FGF12: variants seen among roughly 807,000 people sequenced by gnomAD.
FGF12 encodes fibroblast growth factor 12B.
A neutral mutation model predicts 23.6 loss-of-function variants in FGF12; 14 were observed. The ratio of observed to expected loss-of-function variants is 0.59; its 90% confidence interval spans 0.39 to 0.93. The LOEUF (loss-of-function observed/expected upper bound fraction) is 0.93, where lower values mean the gene tolerates loss of function less well. FGF12 is among the 40% of genes least tolerant of loss of function. FGF12 has a pLI of 0.00. For missense variants in FGF12, 175 were observed against 217.8 expected (o/e 0.80, Z 1.24); for synonymous variants, 62 against 77.3 (o/e 0.80, Z 1.04).
At chr3:192,714,440 C>T (rs1407709168) in intron 2 of FGF12, among the ~76,000 whole-genome samples, 3 of 151,586 alleles carry the variant, frequency 2.0e-5, no homozygotes, top group Admixed American at 6.6e-5. Flanking sequence ...TTGCAAAATG[C>T]ACGTATATTA....
At chr3:192,423,642 G>A (rs1308897266) in intron 2 of FGF12, among the ~76,000 whole-genome samples, 1 of 152,148 alleles carries the variant, frequency 6.6e-6, no homozygotes, top group African/African-American at 2.4e-5. Flanking sequence ...TTATGAAATT[G>A]AAGACCAAGA....
intron 2 of FGF12, among the ~76,000 whole-genome samples, chr3:192,658,382 G>A (rs960253399): frequency 6.6e-6 from 1 of 152,166 alleles, no homozygotes; most frequent in Non-Finnish European, 1.5e-5. Context: ...TCAGCTGCTG[G>A]CTTGTGAGAA....
At chr3:192,470,834 T>A (rs1371511467) in intron 2 of FGF12, among the ~76,000 whole-genome samples, 1 of 152,160 alleles carries the variant, frequency 6.6e-6, no homozygotes, top group Non-Finnish European at 1.5e-5. Context: ...CCTTTCTCCA[T>A]CTTCTGGACA....
At chr3:192,639,318 T>C (rs1413973092) in intron 2 of FGF12, among the ~76,000 whole-genome samples, 1 of 152,226 alleles carries the variant, frequency 6.6e-6, no homozygotes, top group East Asian at 1.9e-4. Flanking sequence ...TTGACAAGGA[T>C]GTGAAGAAAA....
chr3:192,413,383 G>C (rs1721255599), intron 2 of FGF12, among the ~76,000 whole-genome samples: 1 of 152,088 alleles, frequency 6.6e-6, no homozygotes, highest in Non-Finnish European at 1.5e-5. Flanking sequence ...GCTGTATGCT[G>C]TTGGACACGT....
intron 5 of FGF12, among the ~76,000 whole-genome samples, chr3:192,158,662 T>TCCCCCTTCCTTCTTTCCTTCCTTCCC (rs1577186128): frequency 2.9e-4 from 9 of 31,112 alleles, no homozygotes; most frequent in Non-Finnish European, 5.4e-4. Context: ...CCTCCCTTCC[T>TCCCCCTTCCTTCTTTCCTTCCTTCCC]TCCCTCCCTC....
intron 2 of FGF12, among the ~76,000 whole-genome samples, chr3:192,701,628 G>A (rs901449489): frequency 2.0e-5 from 3 of 151,996 alleles, no homozygotes; most frequent in Non-Finnish European, 2.9e-5. Context: ...GTGGTATAGC[G>A]GCAAGAAAAC....
chr3:192,440,536 G>A (rs1402732463), intron 2 of FGF12, among the ~76,000 whole-genome samples: 1 of 152,200 alleles, frequency 6.6e-6, no homozygotes. Context: ...CAGACACACT[G>A]TGAGCAATAA....
chr3:192,318,697 C>A lies in FGF12; in HGVS notation c.228+16664G>T, dbSNP rs1039503574. 4.6e-5 allele frequency among the ~76,000 whole-genome samples: 7 copies of A among 151,976 alleles called. No individual in the cohort carries two copies. In the East Asian group the frequency reaches 1.4e-3, roughly 29 times the overall value. ...AAAAGAATAATAACAGAGAACTTCA[C>A]AAACCTAGAGAAAGATGTCAATATT... is the stretch of plus-strand genomic sequence containing the variant. On this transcript the variant is annotated intron_variant, in intron 4 of 5. Coordinates refer to ENST00000445105, the MANE Select transcript of FGF12 (RefSeq NM_004113.6).
chr3:192,564,127 G>A (rs965891978), intron 2 of FGF12, among the ~76,000 whole-genome samples: 3 of 151,966 alleles, frequency 2.0e-5, no homozygotes, highest in African/African-American at 7.2e-5. Context: ...GCAGTGGCGC[G>A]ATCTCAGCTC....
At chr3:192,610,530 T>G (rs1714514895) in intron 2 of FGF12, among the ~76,000 whole-genome samples, 1 of 152,036 alleles carries the variant, frequency 6.6e-6, no homozygotes, top group African/African-American at 2.4e-5. Context: ...CTCATCCGGA[T>G]TATTGCAATT....
At chr3:192,356,433 C>T (rs931856609) in intron 3 of FGF12, among the ~76,000 whole-genome samples, 4 of 152,188 alleles carry the variant, frequency 2.6e-5, no homozygotes, top group African/African-American at 9.7e-5. Context: ...TATGGTAACT[C>T]AGGAAACAAA....
rs1053719627 is a variant in FGF12, at chr3:192,356,581, C to T, written c.124+3847G>A. Among the ~76,000 whole-genome samples, 6 of 152,036 alleles carry T rather than the reference C, an allele frequency of 3.9e-5. No homozygotes were observed. The East Asian group carries it at 7.7e-4, about 19-fold the overall frequency. On this transcript the variant is annotated intron_variant, in intron 3 of 5. Transcript: ENST00000445105. ...TGCAGAGATTCTTATCTGTTCCTGC[C>T]GACAAATCCATTTGTGTTTTGTACT...
At chr3:192,371,241 T>A (rs1434790891) in intron 2 of FGF12, among the ~76,000 whole-genome samples, 1 of 152,216 alleles carries the variant, frequency 6.6e-6, no homozygotes, top group Non-Finnish European at 1.5e-5. Context: ...AAGCTCATGT[T>A]ACATATGAAG....
chr3:192,617,363 G>A (rs1714797660), intron 2 of FGF12, among the ~76,000 whole-genome samples: 1 of 152,056 alleles, frequency 6.6e-6, no homozygotes, highest in South Asian at 2.1e-4. Context: ...TTTATGAAAA[G>A]CTCCACGGAG....
intron 2 of FGF12, among the ~76,000 whole-genome samples, chr3:192,377,077 C>T (rs1719550824): frequency 6.6e-6 from 1 of 152,200 alleles, no homozygotes; most frequent in African/African-American, 2.4e-5. Context: ...AGGAAGTGGT[C>T]CCCGTTTGGG....
At chr3:192,159,759 G>A (rs758123050) in intron 5 of FGF12, among the ~76,000 whole-genome samples, 1 of 152,138 alleles carries the variant, frequency 6.6e-6, no homozygotes, top group Non-Finnish European at 1.5e-5. Flanking sequence ...CACTAGAGAG[G>A]ATGATTTGCT....
In FGF12 at chr3:192,280,456, T is replaced by A. The variant is rs75092067; in HGVS notation, c.228+54905A>T. Among the ~76,000 whole-genome samples, 1,080 of 152,272 alleles carry A rather than the reference T, an allele frequency of 7.1e-3. 9 individuals are homozygous for A. The highest frequency in any genetic ancestry group is 0.025 in the African/African-American group (1,046 of 41,566). ...ATAAAATATTTTTCATAACTTCATT[T>A]CTTGTCACATAAGTCTTTTGCTACT... On this transcript the variant is annotated intron_variant, in intron 4 of 5. Transcript: ENST00000445105.
At chr3:192,561,919 G>T (rs200682914) in intron 2 of FGF12, among the ~76,000 whole-genome samples, 37 of 97,096 alleles carry the variant, frequency 3.8e-4, no homozygotes, top group South Asian at 1.4e-3. Context: ...AAGAAAAAAA[G>T]AAAGAAAAAA....
Sources: gnomAD v4.1 joint callset for allele counts (sites outside exome capture counted in the v4.1 genomes callset) on GRCh38, gnomAD v4.1.1 for gene constraint, MANE v1.5 for transcripts, NCBI Gene and HGNC (gene_info 2026-07-23, HGNC 2026-07-21) for gene names.